The following ATRNL1 variants were observed in gnomAD, a reference collection of about 807,000 sequenced individuals.
The protein encoded by ATRNL1 is attractin-like protein 1.
Under a neutral mutation model 182.7 loss-of-function variants are expected in ATRNL1, and 95 were observed. The ratio of observed to expected loss-of-function variants is 0.52; its 90% CI spans 0.44 to 0.62. The LOEUF is 0.62. ATRNL1 is among the 20% of genes least tolerant of loss of function. The pLI is 0.00. For synonymous variants in ATRNL1, 576 were observed against 568.3 expected, an observed-to-expected ratio of 1.01 and a Z score of -0.19; for missense variants, 1,471 against 1,679.5, an observed-to-expected ratio of 0.88 and a Z score of 2.17.
chr10:115,670,757 C>A (rs2133927264), intron 26 of ATRNL1, among the ~76,000 whole-genome samples: 1 of 152,200 alleles, frequency 6.6e-6, no homozygotes, highest in South Asian at 2.1e-4. Flanking sequence ...AGACAGTGCC[C>A]TGTGTTTCAG....
chr10:115,200,046 T>C (rs1298981995), intron 8 of ATRNL1, among the ~76,000 whole-genome samples: 1 of 152,058 alleles, frequency 6.6e-6, no homozygotes, highest in Non-Finnish European at 1.5e-5. Context: ...AGTATATTTT[T>C]CTATGTTAGC....
intron 24 of ATRNL1, among the ~76,000 whole-genome samples, chr10:115,479,879 G>A (rs1848688211): frequency 1.3e-5 from 2 of 151,222 alleles, no homozygotes; most frequent in Admixed American, 6.6e-5. Context: ...CTACAATAGT[G>A]CTGTTCATCA....
intron 27 of ATRNL1, among the ~76,000 whole-genome samples, chr10:115,810,337 T>C (rs1950019027): frequency 6.6e-6 from 1 of 151,980 alleles, no homozygotes; most frequent in South Asian, 2.1e-4. Flanking sequence ...ATCTGTTTTC[T>C]GGAGAGTTTG....
In ATRNL1 at chr10:115,243,035, G is replaced by C. The variant is rs141125953; in HGVS notation, c.1687+1310G>C. Reference sequence around the variant, plus strand: ...TTTGGCTATGGTGATAAGACCCTGGGCTTATTTTTCTGGAAGTTGATGAAA... The same window carrying C: ...TTTGGCTATGGTGATAAGACCCTGGCCTTATTTTTCTGGAAGTTGATGAAA... On this transcript the variant is annotated intron_variant, in intron 10 of 28. Coordinates refer to ENST00000355044, the MANE Select transcript of ATRNL1 (RefSeq NM_207303.4). Among the ~76,000 whole-genome samples, 763 of 152,006 alleles carry C rather than the reference G, an allele frequency of 5.0e-3. 4 individuals are homozygous for C. The highest frequency in any genetic ancestry group is 0.016 in the African/African-American group (677 of 41,524).
At chr10:115,596,066 A>G (rs1856220165) in intron 26 of ATRNL1, among the ~76,000 whole-genome samples, 2 of 152,094 alleles carry the variant, frequency 1.3e-5, no homozygotes, top group South Asian at 4.1e-4. Context: ...GTTTGTATGT[A>G]TATTGTGTTG....
intron 28 of ATRNL1, among the ~76,000 whole-genome samples, chr10:115,934,040 T>A (rs544441245): frequency 6.6e-6 from 1 of 151,994 alleles, no homozygotes; most frequent in Middle Eastern, 3.4e-3. Context: ...TGTTTTAGAG[T>A]GGAGGTACCT....
At chr10:115,463,976 A>T (rs1554970346) in intron 22 of ATRNL1, among the ~76,000 whole-genome samples, 2 of 152,002 alleles carry the variant, frequency 1.3e-5, no homozygotes, top group East Asian at 3.9e-4. Flanking sequence ...CCATAGTGTC[A>T]TATACTTATG....
Position 115,754,370 on chromosome 10 carries a change from C to G in ATRNL1, c.3903+27015C>G, listed in dbSNP as rs560365823. ...CTCTATAAGGTGTAAGGAAGGGATC[C>G]AGTTTCAGCTTTCTGCATATGGCCA... On this transcript the variant is annotated intron_variant, in intron 27 of 28. Transcript: ENST00000355044. Among the ~76,000 whole-genome samples, 243 of 152,238 alleles carry G rather than the reference C, an allele frequency of 1.6e-3. 12 individuals carry two copies. The South Asian group carries it at 0.049, about 31-fold the overall frequency.
intron 5 of ATRNL1, among the ~76,000 whole-genome samples, chr10:115,144,020 G>A (rs1240564062): frequency 7.5e-5 from 11 of 147,110 alleles, no homozygotes; most frequent in African/African-American, 2.8e-4. Context: ...TTTCACTGCC[G>A]CCTGGGCTGG....
chr10:115,495,782 G>T (rs571111090), intron 24 of ATRNL1, among the ~76,000 whole-genome samples: 59 of 152,040 alleles, frequency 3.9e-4, no homozygotes, highest in South Asian at 6.2e-4. Flanking sequence ...TTGCAGATGA[G>T]AAGAATATAT....
chr10:115,592,110 G>A (rs1328066967), intron 26 of ATRNL1, among the ~76,000 whole-genome samples: 1 of 152,168 alleles, frequency 6.6e-6, no homozygotes, highest in East Asian at 1.9e-4. Flanking sequence ...CTAAGTGGGA[G>A]CTAAACATTT....
chr10:115,129,126 A>C (rs12264766), intron 4 of ATRNL1, among the ~76,000 whole-genome samples: 1,998 of 152,320 alleles, frequency 0.013, 40 homozygotes, highest in African/African-American at 0.046. Flanking sequence ...GTTGAATAAA[A>C]TAAGACCAAC....
At chr10:115,205,065 T>C (rs1848744815) in intron 8 of ATRNL1, among the ~76,000 whole-genome samples, 1 of 152,122 alleles carries the variant, frequency 6.6e-6, no homozygotes, top group African/African-American at 2.4e-5. Context: ...TTTTATGTTT[T>C]TGGTGTGACG....
chr10:115,262,342 A>G (rs933238545), intron 10 of ATRNL1, among the ~76,000 whole-genome samples: 3 of 152,060 alleles, frequency 2.0e-5, no homozygotes, highest in Admixed American at 2.0e-4. Context: ...AAATTAGTGC[A>G]TTGACATATA....
chr10:115,256,593 G>C (rs1182561506), intron 10 of ATRNL1, among the ~76,000 whole-genome samples: 1 of 151,912 alleles, frequency 6.6e-6, no homozygotes. Flanking sequence ...ACCAGCTCTG[G>C]GATTCATTGA....
At chr10:115,160,579 G>T (rs1846738174) in intron 6 of ATRNL1, among the ~76,000 whole-genome samples, 3 of 150,856 alleles carry the variant, frequency 2.0e-5, no homozygotes, top group African/African-American at 4.9e-5. Flanking sequence ...CTCTCAATTT[G>T]TTCTGTAAAT....
At chr10:115,495,781 A>C (rs1345669385) in intron 24 of ATRNL1, among the ~76,000 whole-genome samples, 1 of 151,910 alleles carries the variant, frequency 6.6e-6, no homozygotes, top group African/African-American at 2.4e-5. Flanking sequence ...TTTGCAGATG[A>C]GAAGAATATA....
chr10:115,187,329 C>G (rs1592229875), intron 8 of ATRNL1, among the ~76,000 whole-genome samples: 1 of 151,848 alleles, frequency 6.6e-6, no homozygotes. Context: ...AAAGAATATG[C>G]CATCTAAAAA....
chr10:115,686,739 C>T (rs567862270), intron 26 of ATRNL1, among the ~76,000 whole-genome samples: 13 of 152,104 alleles, frequency 8.5e-5, no homozygotes, highest in African/African-American at 3.1e-4. Context: ...CACTCTTAGG[C>T]TTGATATCCA....
Sources: gnomAD v4.1 joint callset for allele counts (sites outside exome capture counted in the v4.1 genomes callset) on GRCh38, gnomAD v4.1.1 for gene constraint, MANE v1.5 for transcripts, NCBI Gene and HGNC (gene_info 2026-07-23, HGNC 2026-07-21) for gene names.